CPNE4: variants seen among roughly 807,000 people sequenced by gnomAD.
CPNE4 encodes copine 4.
A neutral mutation model predicts 67.9 loss-of-function variants in CPNE4; 25 were observed. That is an observed-to-expected ratio of 0.37 (90% CI 0.27 to 0.51). The LOEUF (loss-of-function observed/expected upper bound fraction) is 0.51, where lower values mean the gene tolerates loss of function less well. CPNE4 is among the 20% of genes least tolerant of loss of function. CPNE4 has a pLI of 0.93. For missense variants in CPNE4, 464 were observed against 690.8 expected (o/e 0.67, Z 3.68); for synonymous variants, 242 against 244.9 (o/e 0.99, Z 0.11).
intron 2 of CPNE4, among the ~76,000 whole-genome samples, chr3:131,878,542 G>A (rs925638551): frequency 1.3e-5 from 2 of 152,196 alleles, no homozygotes; most frequent in Admixed American, 6.5e-5. Context: ...TAATCTGGAT[G>A]CTGGTTTTAC....
chr3:132,002,923 T>C (rs2073493731), intron 1 of CPNE4, among the ~76,000 whole-genome samples: 1 of 152,060 alleles, frequency 6.6e-6, no homozygotes, highest in Non-Finnish European at 1.5e-5. Context: ...GAAAGTGTGG[T>C]CCTTAGATCA....
chr3:131,842,040 A>C (rs980412210), intron 2 of CPNE4, among the ~76,000 whole-genome samples: 4 of 152,142 alleles, frequency 2.6e-5, no homozygotes, highest in African/African-American at 9.7e-5. Flanking sequence ...CTGTAAATGG[A>C]CTTAGGCTTG....
chr3:131,881,590 C>G (rs1175264206), intron 2 of CPNE4, among the ~76,000 whole-genome samples: 1 of 151,974 alleles, frequency 6.6e-6, no homozygotes. Context: ...TCTGGCTTCT[C>G]CAGGATGCCA....
intron 6 of CPNE4, among the ~76,000 whole-genome samples, chr3:131,682,211 G>T (rs12497739): frequency 6.6e-6 from 1 of 151,786 alleles, no homozygotes; most frequent in African/African-American, 2.4e-5. Context: ...CAGTATATCT[G>T]GATATTGAAG....
At chr3:131,820,767 T>G (rs1172758366) in intron 2 of CPNE4, among the ~76,000 whole-genome samples, 1 of 152,228 alleles carries the variant, frequency 6.6e-6, no homozygotes, top group African/African-American at 2.4e-5. Flanking sequence ...AGTATTTCTA[T>G]GAGGTAGTGA....
intron 2 of CPNE4, among the ~76,000 whole-genome samples, chr3:131,902,722 A>G (rs1478287550): frequency 6.6e-6 from 1 of 152,160 alleles, no homozygotes; most frequent in Non-Finnish European, 1.5e-5. Flanking sequence ...TACAAATAAT[A>G]GTTGAATTAT....
intron 1 of CPNE4, among the ~76,000 whole-genome samples, chr3:132,028,678 G>A (rs2074170234): frequency 6.6e-6 from 1 of 152,144 alleles, no homozygotes; most frequent in Admixed American, 6.5e-5. Flanking sequence ...AATGGCGAAA[G>A]TAATTTTATT....
chr3:131,840,865 T>C (rs1042222088), intron 2 of CPNE4, among the ~76,000 whole-genome samples: 2 of 152,200 alleles, frequency 1.3e-5, no homozygotes, highest in Admixed American at 6.5e-5. Flanking sequence ...GTCATCTTCT[T>C]GAGGAAACTT....
At chr3:131,972,922 C>A (rs1344951804) in intron 1 of CPNE4, among the ~76,000 whole-genome samples, 1 of 152,170 alleles carries the variant, frequency 6.6e-6, no homozygotes. Flanking sequence ...ATCGGTTTTA[C>A]TCCTAATCTT....
intron 13 of CPNE4, among the ~76,000 whole-genome samples, chr3:131,550,487 G>T (rs528237944): frequency 2.4e-4 from 36 of 152,146 alleles, no homozygotes; most frequent in African/African-American, 8.7e-4. Context: ...GGTCTGCCTG[G>T]CTCTAAGCAC....
intron 1 of CPNE4, among the ~76,000 whole-genome samples, chr3:131,931,131 T>A (rs1438090693): frequency 1.3e-5 from 2 of 152,142 alleles, no homozygotes. Context: ...GAAGTTTCCG[T>A]TATGGTAGGA....
intron 8 of CPNE4, among the ~76,000 whole-genome samples, chr3:131,583,726 G>A (rs1937992240): frequency 6.6e-6 from 1 of 152,138 alleles, no homozygotes; most frequent in African/African-American, 2.4e-5. Context: ...GGTCCTGATG[G>A]ACCAGATCTA....
chr3:131,649,819 A>G (rs900715544), intron 7 of CPNE4, among the ~76,000 whole-genome samples: 4 of 152,226 alleles, frequency 2.6e-5, no homozygotes, highest in Non-Finnish European at 5.9e-5. Context: ...TTACCACACA[A>G]TAATGGCCTA....
At chr3:131,564,437 G>T in intron 10 of CPNE4, 88 bp from the exon 11 acceptor site, 1 of 1,310,506 alleles carries the variant, frequency 7.6e-7, no homozygotes, top group Non-Finnish European at 1.1e-6. Flanking sequence ...ACCTGGCCTC[G>T]GGTCAAAAAC....
At chr3:131,541,643 A>AT (rs1446189377) in intron 15 of CPNE4, among the ~76,000 whole-genome samples, 1 of 145,638 alleles carries the variant, frequency 6.9e-6, no homozygotes, top group Admixed American at 6.9e-5. Flanking sequence ...CTTATTCAGC[A>AT]TTTTTTCCCA....
intron 11 of CPNE4, among the ~76,000 whole-genome samples, chr3:131,561,854 C>T (rs946248081): frequency 6.6e-6 from 1 of 152,062 alleles, no homozygotes; most frequent in African/African-American, 2.4e-5. Context: ...AGAGAAACAG[C>T]GGAACCTTGT....
At chr3:131,999,070 T>C (rs1166696775) in intron 1 of CPNE4, among the ~76,000 whole-genome samples, 1 of 151,672 alleles carries the variant, frequency 6.6e-6, no homozygotes. Context: ...GGCAGTTACA[T>C]GATAATAAGG....
chr3:131,597,405 A>G (rs1470092459), intron 7 of CPNE4, among the ~76,000 whole-genome samples: 1 of 152,194 alleles, frequency 6.6e-6, no homozygotes, highest in East Asian at 1.9e-4. Flanking sequence ...GCATGTGTAT[A>G]CCTATGTAAC....
chr3:131,577,376 T>C (rs932600857), intron 9 of CPNE4, among the ~76,000 whole-genome samples: 7 of 152,100 alleles, frequency 4.6e-5, no homozygotes, highest in Admixed American at 2.6e-4. Flanking sequence ...TGTTAGGTGA[T>C]TTTATCATTG....
Sources: gnomAD v4.1 joint callset for allele counts (sites outside exome capture counted in the v4.1 genomes callset) on GRCh38, gnomAD v4.1.1 for gene constraint, MANE v1.5 for transcripts, NCBI Gene and HGNC (gene_info 2026-07-23, HGNC 2026-07-21) for gene names.